The following CYP7B1 variants were observed in gnomAD, a reference collection of about 807,000 sequenced individuals.
CYP7B1 encodes cytochrome P450 family 7 subfamily B member 1.
A neutral mutation model predicts 42.7 loss-of-function variants in CYP7B1; 29 were observed. That is an observed-to-expected ratio of 0.68 (90% CI 0.51 to 0.93). The LOEUF is 0.93. Ranked by LOEUF, CYP7B1 falls within the 40% of genes least tolerant of loss-of-function variation. The pLI is 0.00. For synonymous variants in CYP7B1, 235 were observed against 218.2 expected (o/e 1.08, Z -0.68); for missense variants, 655 against 600.5 (o/e 1.09, Z -0.95).
intron 1 of CYP7B1, among the ~76,000 whole-genome samples, chr8:64,738,018 T>C (rs958588340): frequency 6.6e-6 from 1 of 152,222 alleles, no homozygotes; most frequent in Non-Finnish European, 1.5e-5. Context: ...ATGTATGTCT[T>C]ACCTTCCATT....
In CYP7B1 at chr8:64,593,472, T is replaced by C. The variant is rs1021269632; in HGVS notation, c.*3170A>G. Among the ~76,000 whole-genome samples, 9 of 152,158 alleles carry C rather than the reference T, an allele frequency of 5.9e-5. No homozygotes were observed. Among genetic ancestry groups the C allele is most frequent in the African/African-American group, 1.9e-4 (8 of 41,422 alleles). The stretch of plus-strand genomic sequence containing the variant: ...TGTCCCCTGTCTATTCCTAATAAAA[T>C]GGTTGCATTCTACCTGATTTAGGGC... On this transcript the variant is annotated 3_prime_UTR_variant, in exon 6 of 6. Transcript: ENST00000310193.
At chr8:64,778,768 C>A (rs1000290161) in intron 1 of CYP7B1, among the ~76,000 whole-genome samples, 20 of 152,032 alleles carry the variant, frequency 1.3e-4, no homozygotes, top group Non-Finnish European at 2.4e-4. Flanking sequence ...GGCTACTACC[C>A]TTATGTCACA....
chr8:64,692,978 A>G (rs1176444179), intron 1 of CYP7B1, among the ~76,000 whole-genome samples: 4 of 152,202 alleles, frequency 2.6e-5, no homozygotes, highest in Non-Finnish European at 5.9e-5. Context: ...CTGTCTCCTC[A>G]TGGACTGAAG....
chr8:64,602,390 C>T (rs1055359797), intron 5 of CYP7B1, among the ~76,000 whole-genome samples: 4 of 152,174 alleles, frequency 2.6e-5, no homozygotes, highest in Admixed American at 6.5e-5. Context: ...GCAGATCCAA[C>T]AGCTCTCAAG....
intron 1 of CYP7B1, among the ~76,000 whole-genome samples, chr8:64,753,101 G>T (rs970154382): frequency 2.0e-5 from 3 of 152,138 alleles, no homozygotes; most frequent in African/African-American, 7.2e-5. Context: ...GATTTAAAGA[G>T]AAGACTTTTA....
chr8:64,621,862 A>G (rs2129630360), intron 2 of CYP7B1, among the ~76,000 whole-genome samples: 1 of 151,680 alleles, frequency 6.6e-6, no homozygotes, highest in East Asian at 1.9e-4. Flanking sequence ...CAGCCTCCCA[A>G]GTAGCTGGGA....
At chr8:64,714,269 G>C (rs1807122212) in intron 1 of CYP7B1, among the ~76,000 whole-genome samples, 1 of 152,172 alleles carries the variant, frequency 6.6e-6, no homozygotes, top group South Asian at 2.1e-4. Flanking sequence ...ATTCAGTGTG[G>C]TTTTTATAAA....
intron 1 of CYP7B1, among the ~76,000 whole-genome samples, chr8:64,730,331 G>A (rs1807389863): frequency 6.6e-6 from 1 of 151,898 alleles, no homozygotes; most frequent in Non-Finnish European, 1.5e-5. Context: ...CAGGCTCCCA[G>A]AGTGCTAGGA....
intron 1 of CYP7B1, among the ~76,000 whole-genome samples, chr8:64,773,791 C>A (rs1213238396): frequency 6.6e-6 from 1 of 152,196 alleles, no homozygotes; most frequent in Admixed American, 6.5e-5. Flanking sequence ...GAGGGCATCA[C>A]ATGGCAAGAA....
intron 1 of CYP7B1, among the ~76,000 whole-genome samples, chr8:64,760,305 GA>G: frequency 6.6e-6 from 1 of 152,096 alleles, no homozygotes; most frequent in East Asian, 1.9e-4. Context: ...TCTCAGCAAT[GA>G]TTTTTTGGTT....
intron 1 of CYP7B1, among the ~76,000 whole-genome samples, chr8:64,678,172 C>T (rs1032901387): frequency 1.3e-5 from 2 of 152,088 alleles, no homozygotes; most frequent in African/African-American, 4.8e-5. Flanking sequence ...TGGGTGAAAC[C>T]TACCACACAT....
chr8:64,795,120 T>C (rs1179262137), intron 1 of CYP7B1, among the ~76,000 whole-genome samples: 8 of 152,206 alleles, frequency 5.3e-5, no homozygotes, highest in Admixed American at 4.6e-4. Context: ...CAATATGTTA[T>C]ATATATTACA....
intron 1 of CYP7B1, among the ~76,000 whole-genome samples, chr8:64,759,289 T>C (rs1007898066): frequency 6.6e-6 from 1 of 152,162 alleles, no homozygotes; most frequent in Non-Finnish European, 1.5e-5. Context: ...ATCAGTCTGC[T>C]AATTTCTGAG....
intron 1 of CYP7B1, among the ~76,000 whole-genome samples, chr8:64,783,028 G>A (rs1014797427): frequency 6.6e-6 from 1 of 152,108 alleles, no homozygotes; most frequent in Admixed American, 6.5e-5. Flanking sequence ...TATTAATCAA[G>A]AGCCACAGAG....
chr8:64,616,395 G>A (rs1220751687), intron 2 of CYP7B1, 114 bp from the exon 3 acceptor site: 1 of 728,120 alleles, frequency 1.4e-6, no homozygotes, highest in African/African-American at 1.8e-5. Flanking sequence ...AATAACTAAG[G>A]CAAAAAGTTT....
intron 1 of CYP7B1, among the ~76,000 whole-genome samples, chr8:64,722,805 G>C (rs537287768): frequency 3.8e-4 from 50 of 132,544 alleles, no homozygotes; most frequent in Middle Eastern, 4.4e-3. Flanking sequence ...CCTCTCATTT[G>C]GTTTAGAAAC....
intron 1 of CYP7B1, among the ~76,000 whole-genome samples, chr8:64,639,184 T>C (rs1341869204): frequency 6.6e-6 from 1 of 152,108 alleles, no homozygotes; most frequent in Non-Finnish European, 1.5e-5. Flanking sequence ...ACCATTTTGA[T>C]AGCTTACAGA....
At chr8:64,740,268 G>C (rs1049364902) in intron 1 of CYP7B1, among the ~76,000 whole-genome samples, 2 of 151,966 alleles carry the variant, frequency 1.3e-5, no homozygotes, top group African/African-American at 4.8e-5. Flanking sequence ...TTGAATAAAA[G>C]CTGAAAAATC....
At chr8:64,764,028 A>C (rs1807930276) in intron 1 of CYP7B1, among the ~76,000 whole-genome samples, 1 of 152,048 alleles carries the variant, frequency 6.6e-6, no homozygotes, top group African/African-American at 2.4e-5. Flanking sequence ...CTGTGTCCTT[A>C]GGCATCTAGG....
Sources: allele counts gnomAD v4.1 joint callset (sites outside exome capture counted in the v4.1 genomes callset), GRCh38; gene constraint gnomAD v4.1.1; transcripts MANE v1.5; gene names NCBI Gene and HGNC (gene_info 2026-07-23, HGNC 2026-07-21).